The following GNA11 variants were observed in gnomAD, a reference collection of about 807,000 sequenced individuals.
GNA11 encodes G protein subunit alpha 11.
Under a neutral mutation model 38.2 loss-of-function variants are expected in GNA11, and 8 were observed. The ratio of observed to expected loss-of-function variants is 0.21; its 90% CI spans 0.12 to 0.38. The LOEUF is 0.38. GNA11 is among the 10% of genes least tolerant of loss of function. GNA11 has a pLI of 1.00. For synonymous variants in GNA11, 211 were observed against 221.4 expected (o/e 0.95, Z 0.42); for missense variants, 268 against 516.3 (o/e 0.52, Z 4.66).
intron 2 of GNA11, among the ~76,000 whole-genome samples, chr19:3,112,683 C>T (rs1002876219): frequency 7.2e-5 from 11 of 152,242 alleles, no homozygotes; most frequent in African/African-American, 2.2e-4. Flanking sequence ...GGAGGCGGCT[C>T]GTGTTGGGGC....
rs1407644786 is a variant in GNA11 at position 3,119,908 on chromosome 19, G to T, written c.889+549G>T. Among the ~76,000 whole-genome samples the T allele has an allele frequency of 6.6e-6, 1 of 151,976 alleles. No individual in the cohort carries two copies. The highest frequency in any genetic ancestry group is 1.9e-4 in the East Asian group (1 of 5,164). ...CTCCCTACGTGGCCCCTGCCCCACG[G>T]GGTGTGTCAGGGCAGCTGAGCACTG... On this transcript the variant is annotated intron_variant, in intron 6 of 6. Coordinates refer to ENST00000078429, the MANE Select transcript of GNA11 (RefSeq NM_002067.5). This position sits in a 1 kb window ranked among gnomAD's most constrained non-coding sequence, Gnocchi z 4.6.
chr19:3,103,549 T>C lies in GNA11; in HGVS notation c.137-6600T>C, dbSNP rs949526621. On this transcript the variant is annotated intron_variant, in intron 1 of 6. Coordinates refer to ENST00000078429, the MANE Select transcript of GNA11 (RefSeq NM_002067.5). ...TTTTTTTTTTTTTTTTTTTTTTTTT[T>C]TGAGACAAGGTCTCACTTGTCACCC... 4.3e-5 allele frequency among the ~76,000 whole-genome samples: 4 copies of C among 93,916 alleles called. No homozygotes were observed. In the East Asian group the frequency reaches 1.4e-3, roughly 34 times the overall value. The allele number at this position is 93,916 out of a possible 152,430, so 61.6% of individuals were successfully genotyped here.
rs1914025414 is a variant in GNA11, at chr19:3,119,953, C to T, written c.889+594C>T. On this transcript the variant is annotated intron_variant, in intron 6 of 6. Coordinates refer to ENST00000078429, the MANE Select transcript of GNA11 (RefSeq NM_002067.5). This position sits in a 1 kb window ranked among gnomAD's most constrained non-coding sequence, Gnocchi z 4.6. Reference sequence around the variant, plus strand: ...GCACTGAGGGTCTTCACATGCCCAGCCCTCTCTGGGCCTGGGGATGGCGGC... The same window carrying T: ...GCACTGAGGGTCTTCACATGCCCAGTCCTCTCTGGGCCTGGGGATGGCGGC... Among the ~76,000 whole-genome samples the T allele has an allele frequency of 6.6e-6, 1 of 151,644 alleles. No homozygotes were observed. The highest frequency in any genetic ancestry group is 1.5e-5 in the Non-Finnish European group (1 of 67,846).
At chr19:3,105,020 C>A (rs1308955030) in intron 1 of GNA11, among the ~76,000 whole-genome samples, 1 of 150,556 alleles carries the variant, frequency 6.6e-6, no homozygotes, top group Non-Finnish European at 1.5e-5. Context: ...AGCTCCAGAC[C>A]CAGTCTGAGG....
chr19:3,110,012 G>A lies in GNA11; in HGVS notation c.137-137G>A, dbSNP rs974132105. 1.9e-5 allele frequency: 12 copies of A among 645,158 alleles called. No homozygotes were observed. In the South Asian group the frequency reaches 2.3e-4, roughly 12 times the overall value. 40.0% of individuals were successfully genotyped at this position (645,158 alleles called of 1,614,324 possible). A position where few individuals can be genotyped will look rare whatever the true frequency, so the allele number is the denominator to read the frequency against. ...AGGAGTCAGGAGGCCGTGGCGTCTGGTGGAGAGACGGTCAGCCTCACGTGC... is the reference window on the plus strand; with the variant it reads ...AGGAGTCAGGAGGCCGTGGCGTCTGATGGAGAGACGGTCAGCCTCACGTGC... On this transcript the variant is annotated intron_variant, in intron 1 of 6. Coordinates refer to ENST00000078429, the MANE Select transcript of GNA11 (RefSeq NM_002067.5). The surrounding 1 kb of genome is among the most constrained non-coding windows in gnomAD (Gnocchi z 5.4).
Position 3,123,410 on chromosome 19 carries a change from A to T in GNA11, c.*2231A>T, listed in dbSNP as rs1306071322. ...GGCCCAGGGCAGGGGTGCCTGCCCCAGGAGAGTCCCAGGCAGTGGTTCTCG... is the reference window on the plus strand; with the variant it reads ...GGCCCAGGGCAGGGGTGCCTGCCCCTGGAGAGTCCCAGGCAGTGGTTCTCG... On this transcript the variant is annotated 3_prime_UTR_variant, in exon 7 of 7. Coordinates refer to ENST00000078429, the MANE Select transcript of GNA11 (RefSeq NM_002067.5). 1 of 232,474 alleles carries T rather than the reference A, an allele frequency of 4.3e-6. No homozygotes were observed. The highest frequency in any genetic ancestry group is 8.5e-6 in the Non-Finnish European group (1 of 118,094). The allele number at this position is 232,474 out of a possible 1,614,324, so 14.4% of individuals were successfully genotyped here.
rs1913693233 is a variant in GNA11, at chr19:3,108,659, G to A, written c.137-1490G>A. Among the ~76,000 whole-genome samples, 2 of 152,224 alleles carry A rather than the reference G, an allele frequency of 1.3e-5. No homozygotes were observed. On this transcript the variant is annotated intron_variant, in intron 1 of 6. Coordinates refer to ENST00000078429, the MANE Select transcript of GNA11 (RefSeq NM_002067.5). This position sits in a 1 kb window ranked among gnomAD's most constrained non-coding sequence, Gnocchi z 4.5. Reference sequence around the variant, plus strand: ...TTTTAGAAATTAGAAGTTAACTATTGCTGTGTAATGGGGTCACCCCAAAAC... The same window carrying A: ...TTTTAGAAATTAGAAGTTAACTATTACTGTGTAATGGGGTCACCCCAAAAC...
intron 1 of GNA11, among the ~76,000 whole-genome samples, chr19:3,097,552 C>A (rs1286242783): frequency 6.6e-6 from 1 of 152,240 alleles, no homozygotes; most frequent in Non-Finnish European, 1.5e-5. Flanking sequence ...CCAGGTGGAG[C>A]ATGTTCTGGA....
rs1183260151 is a variant in GNA11 at position 3,121,275 on chromosome 19, G to C, written c.*96G>C. The C allele has an allele frequency of 2.2e-5, 19 of 880,992 alleles. No homozygotes were observed. Among genetic ancestry groups the C allele is most frequent in the African/African-American group, 3.4e-5 (2 of 58,730 alleles). The allele number at this position is 880,992 out of a possible 1,614,324, so 54.6% of individuals were successfully genotyped here. A position where few individuals can be genotyped will look rare whatever the true frequency, so the allele number is the denominator to read the frequency against. On this transcript the variant is annotated 3_prime_UTR_variant, in exon 7 of 7. Coordinates refer to ENST00000078429, the MANE Select transcript of GNA11 (RefSeq NM_002067.5). ...GGGCGGGTGGCGCTGCCGAGTCCGG[G>C]CCGGGGCCTCTGCCCGCGGGAGGAG...
intron 1 of GNA11, among the ~76,000 whole-genome samples, chr19:3,107,428 C>T (rs1913664826): frequency 6.6e-6 from 1 of 152,122 alleles, no homozygotes; most frequent in Non-Finnish European, 1.5e-5. Flanking sequence ...TGCAAAGTTA[C>T]CAAGGGGCGG....
intron 1 of GNA11, among the ~76,000 whole-genome samples, chr19:3,098,496 G>C (rs552688987): frequency 3.3e-5 from 5 of 152,254 alleles, no homozygotes; most frequent in Non-Finnish European, 7.3e-5. Flanking sequence ...TTTGTGGTTG[G>C]AAACGTGGGG....
At chr19:3,099,755 G>A (rs1037270432) in intron 1 of GNA11, among the ~76,000 whole-genome samples, 7 of 152,236 alleles carry the variant, frequency 4.6e-5, no homozygotes, top group African/African-American at 1.4e-4. Context: ...TCCTGGTCCA[G>A]CCTGGCCTCC....
In GNA11 at chr19:3,113,501, C is replaced by A. The variant is rs764331741; in HGVS notation, c.476+17C>A. On this transcript the variant is annotated intron_variant, in intron 3 of 6. Coordinates refer to ENST00000078429, the MANE Select transcript of GNA11 (RefSeq NM_002067.5). ...TGCCAAGTAGTAAGTGCGGCCGCAC[C>A]GCTGGCGGCCTGGGGACGGCAGCTG... 6.5e-7 allele frequency: 1 copy of A among 1,544,292 alleles called. No individual in the cohort carries two copies. The highest frequency in any genetic ancestry group is 8.8e-7 in the Non-Finnish European group (1 of 1,142,406).
rs373250050 is a variant in GNA11, at chr19:3,110,348, G to T, written c.321+15G>T. 6.3e-7 allele frequency: 1 copy of T among 1,599,386 alleles called. No individual in the cohort carries two copies. Among genetic ancestry groups the T allele is most frequent in the Admixed American group, 1.7e-5 (1 of 59,748 alleles). ...AGCAGAACAAGGTGAGCCCGCGGGC[G>T]CCTGGGGAGGGGAGCGCCTGGGCAG... On this transcript the variant is annotated intron_variant, in intron 2 of 6. Transcript: ENST00000078429. This position sits in a 1 kb window ranked among gnomAD's most constrained non-coding sequence, Gnocchi z 5.4.
chr19:3,120,805 T>C lies in GNA11; in HGVS notation c.890-184T>C, dbSNP rs1290440140. ...GTAGTGCCCTGGGGCTACAGTGGGA[T>C]TGGCACCGCAGCTCACCTGGGGAGG... On this transcript the variant is annotated intron_variant, in intron 6 of 6. Coordinates refer to ENST00000078429, the MANE Select transcript of GNA11 (RefSeq NM_002067.5). The surrounding 1 kb of genome is among the most constrained non-coding windows in gnomAD (Gnocchi z 5.9). Among the ~76,000 whole-genome samples, 1 of 152,008 alleles carries C rather than the reference T, an allele frequency of 6.6e-6. No individual in the cohort carries two copies. Among genetic ancestry groups the C allele is most frequent in the Non-Finnish European group, 1.5e-5 (1 of 67,958 alleles).
At position 3,120,374 on chromosome 19, in the gene GNA11, C is replaced by A. The variant is rs558144073; in HGVS notation, c.890-615C>A. Among the ~76,000 whole-genome samples, 7 of 152,210 alleles carry A rather than the reference C, an allele frequency of 4.6e-5. No individual in the cohort carries two copies. In the South Asian group the frequency reaches 8.3e-4, roughly 18 times the overall value. On this transcript the variant is annotated intron_variant, in intron 6 of 6. Transcript: ENST00000078429. This position sits in a 1 kb window ranked among gnomAD's most constrained non-coding sequence, Gnocchi z 5.9. ...GGAGGCCAAGGGACTGGGGCATAGACCCCTGTCCCACCAGTCCCCAGAGCA... is the reference window on the plus strand; with the variant it reads ...GGAGGCCAAGGGACTGGGGCATAGAACCCTGTCCCACCAGTCCCCAGAGCA...
chr19:3,120,277 CT>C lies in GNA11; in HGVS notation c.890-711del, dbSNP rs1914035941. On this transcript the variant is annotated intron_variant, in intron 6 of 6. Transcript: ENST00000078429. The surrounding 1 kb of genome is among the most constrained non-coding windows in gnomAD (Gnocchi z 5.9). The stretch of plus-strand genomic sequence containing the variant: ...CTGGGCAGGGGAGTGGCGGGGGGCG[CT>C]GCACCTGCTCCAGCCGCACGTGGCC... Among the ~76,000 whole-genome samples the C allele has an allele frequency of 6.6e-6, 1 of 151,770 alleles. No individual in the cohort carries two copies. The highest frequency in any genetic ancestry group is 1.5e-5 in the Non-Finnish European group (1 of 67,814).
At position 3,119,091 on chromosome 19, in the gene GNA11, G is replaced by A. The variant is rs1198720424; in HGVS notation, c.735+38G>A. Reference sequence around the variant, plus strand: ...CTGAGCAGGGGCAGCGTTGGGGGCCGGGCCTTCCCCACCTGCCAAGCCTGG... The same window carrying A: ...CTGAGCAGGGGCAGCGTTGGGGGCCAGGCCTTCCCCACCTGCCAAGCCTGG... On this transcript the variant is annotated intron_variant, in intron 5 of 6. Transcript: ENST00000078429. The surrounding 1 kb of genome is among the most constrained non-coding windows in gnomAD (Gnocchi z 4.6). 3 of 1,608,798 alleles carry A rather than the reference G, an allele frequency of 1.9e-6. No homozygotes were observed. In the African/African-American group the frequency reaches 4.0e-5, roughly 22 times the overall value.
At position 3,119,278 on chromosome 19, in the gene GNA11, A is replaced by G. The variant is rs1471377402; in HGVS notation, c.808A>G (p.Ile270Val). The change falls in exon 6 of 7, where the codon ATC (isoleucine) becomes GTC (valine). Residue 270 changes from isoleucine (I) to valine (V), a missense_variant. Ile to Val is a conservative substitution (Grantham distance 29). Around this residue, in one of 3 missense-constraint regions of GNA11, gnomAD observed 92 missense variants for 166.7 expected, o/e 0.55. Coordinates refer to ENST00000078429, the MANE Select transcript of GNA11 (RefSeq NM_002067.5). This position sits in a 1 kb window ranked among gnomAD's most constrained non-coding sequence, Gnocchi z 4.6. ...TYPWFQNSSV[I>V]LFLNKKDLLE... ...CCCCTGGTTCCAGAACTCCTCCGTC[A>G]TCCTCTTCCTCAACAAGAAGGACCT... 6.2e-7 allele frequency: 1 copy of G among 1,613,638 alleles called. No individual in the cohort carries two copies. Among genetic ancestry groups the G allele is most frequent in the East Asian group, 2.2e-5 (1 of 44,892 alleles).
Sources: gnomAD v4.1 joint callset for allele counts (sites outside exome capture counted in the v4.1 genomes callset) on GRCh38, gnomAD v4.1.1 for gene constraint, gnomAD v4.1.1 regional missense constraint, Gnocchi (gnomAD v3.1) non-coding constraint, MANE v1.5 for transcripts, NCBI Gene and HGNC (gene_info 2026-07-23, HGNC 2026-07-21) for gene names.